Variants in FGR observed in about 807,000 individuals in gnomAD.
FGR encodes tyrosine-protein kinase Fgr.
Under a neutral mutation model 63.2 loss-of-function variants are expected in FGR, and 26 were observed. The ratio of observed to expected loss-of-function variants is 0.41; its 90% CI spans 0.30 to 0.57. The LOEUF (loss-of-function observed/expected upper bound fraction) is 0.57. Among genes scored for constraint, FGR ranks in the 20% least tolerant of loss-of-function variants. The probability of loss-of-function intolerance (pLI) is 0.27; values close to 1 mark genes in which losing one functional copy is unlikely to be tolerated. For missense variants in FGR, 511 were observed against 690.8 expected, an observed-to-expected ratio of 0.74 and a Z score of 2.92; for synonymous variants, 286 against 277.7, an observed-to-expected ratio of 1.03 and a Z score of -0.30.
chr1:27,622,015 A>T (rs1461259049), intron 4 of FGR, among the ~76,000 whole-genome samples: 3 of 152,140 alleles, frequency 2.0e-5, no homozygotes, highest in African/African-American at 7.2e-5. Context: ...AATGTGGCTT[A>T]AAAAGCCTGA....
chr1:27,632,122 C>G (rs1446814927), intron 1 of FGR, among the ~76,000 whole-genome samples: 1 of 145,474 alleles, frequency 6.9e-6, no homozygotes, highest in Non-Finnish European at 1.5e-5. Context: ...TTTCTTTGTT[C>G]TTCTTCTTCT....
chr1:27,629,145 A>G (rs561105070), intron 1 of FGR, among the ~76,000 whole-genome samples: 1 of 152,202 alleles, frequency 6.6e-6, no homozygotes, highest in African/African-American at 2.4e-5. Context: ...AGAAAGACAG[A>G]GAGATAGAAG....
intron 11 of FGR, 106 bp downstream of exon 11, chr1:27,614,324 G>T: frequency 1.5e-6 from 2 of 1,291,142 alleles, no homozygotes; most frequent in South Asian, 1.5e-5. Context: ...TCAGGATGGG[G>T]CGACTCGGGC....
chr1:27,628,329 C>T (rs1355831803), intron 1 of FGR, among the ~76,000 whole-genome samples: 1 of 152,032 alleles, frequency 6.6e-6, no homozygotes, highest in Admixed American at 6.6e-5. Flanking sequence ...GCCTGGGCAG[C>T]ATAGTGAAAC....
chr1:27,626,909 G>C (rs1490744426), intron 1 of FGR, among the ~76,000 whole-genome samples: 1 of 152,162 alleles, frequency 6.6e-6, no homozygotes, highest in African/African-American at 2.4e-5. Context: ...GTTCACACCT[G>C]CTATCCCAGG....
rs746159505 is a variant in FGR, at chr1:27,615,623, G to A, written c.839-10C>T. ...CTGCCGTTCCACGTGCCTGCTCGGA[G>A]GCTGTCTTGTCAGGACCCTCTCCCC... On this transcript the variant is annotated splice_polypyrimidine_tract_variant and intron_variant, in intron 8 of 12. Coordinates refer to ENST00000374005, the MANE Select transcript of FGR (RefSeq NM_005248.3). The surrounding 1 kb of genome is among the most constrained non-coding windows in gnomAD (Gnocchi z 7.6). 6.2e-7 allele frequency: 1 copy of A among 1,603,378 alleles called. No homozygotes were observed. Among genetic ancestry groups the A allele is most frequent in the East Asian group, 2.2e-5 (1 of 44,502 alleles).
Position 27,616,730 on chromosome 1 carries a change from T to G in FGR, c.682+127A>C. On this transcript the variant is annotated intron_variant, in intron 7 of 12. Coordinates refer to ENST00000374005, the MANE Select transcript of FGR (RefSeq NM_005248.3). The surrounding 1 kb of genome is among the most constrained non-coding windows in gnomAD (Gnocchi z 4.3). ...CTGGATCCTGGGCTGGCAGACCCCA[T>G]CCTTGGGTTCTGGTTTCCGTCTGGC... The G allele has an allele frequency of 9.9e-7, 1 of 1,012,970 alleles. No individual in the cohort carries two copies. Among genetic ancestry groups the G allele is most frequent in the Non-Finnish European group, 1.5e-6 (1 of 672,906 alleles). The allele number at this position is 1,012,970 out of a possible 1,614,324, so 62.7% of individuals were successfully genotyped here. A position where few individuals can be genotyped will look rare whatever the true frequency, so the allele number is the denominator to read the frequency against.
At chr1:27,614,713 A>G (rs1207582603) in intron 10 of FGR, 130 bp from the exon 11 acceptor site, 4 of 1,339,402 alleles carry the variant, frequency 3.0e-6, no homozygotes, top group Non-Finnish European at 4.1e-6. Context: ...AAAGAGAGGC[A>G]GTACCTCTCA....
chr1:27,630,823 A>G (rs2090095385), intron 1 of FGR, among the ~76,000 whole-genome samples: 1 of 151,920 alleles, frequency 6.6e-6, no homozygotes, highest in Non-Finnish European at 1.5e-5. Flanking sequence ...AAATCAGGTT[A>G]CAAGTATCAA....
chr1:27,631,100 AT>A (rs1183049887), intron 1 of FGR, among the ~76,000 whole-genome samples: 1 of 152,184 alleles, frequency 6.6e-6, no homozygotes, highest in African/African-American at 2.4e-5. Context: ...TCTCTTTTGC[AT>A]AGGGGGAAGT....
chr1:27,622,171 G>A (rs1430306920), intron 4 of FGR, among the ~76,000 whole-genome samples: 6 of 151,778 alleles, frequency 4.0e-5, no homozygotes, highest in Admixed American at 3.9e-4. Flanking sequence ...AAATTAGCCA[G>A]GCTTGGTGGC....
At chr1:27,634,078 T>G (rs1406968070) in intron 1 of FGR, among the ~76,000 whole-genome samples, 4 of 151,778 alleles carry the variant, frequency 2.6e-5, no homozygotes, top group Non-Finnish European at 4.4e-5. Context: ...CCTACCTCGG[T>G]CGGGAAGCCC....
chr1:27,614,200 T>C lies in FGR; in HGVS notation c.1249+230A>G, dbSNP rs540433579. On this transcript the variant is annotated intron_variant, in intron 11 of 12. Coordinates refer to ENST00000374005, the MANE Select transcript of FGR (RefSeq NM_005248.3). ...CTGACTTCCTGTTATCTGAATATTGTCACTTTACAGAAGAGAAACGGCAGC... is the reference window on the plus strand; with the variant it reads ...CTGACTTCCTGTTATCTGAATATTGCCACTTTACAGAAGAGAAACGGCAGC... Among the ~76,000 whole-genome samples, 8 of 152,300 alleles carry C rather than the reference T, an allele frequency of 5.3e-5. No homozygotes were observed. The South Asian group carries it at 1.7e-3, about 32-fold the overall frequency.
intron 11 of FGR, among the ~76,000 whole-genome samples, chr1:27,613,694 CAAAAAAAAAA>C (rs56363244): frequency 1.8e-3 from 135 of 74,234 alleles, no homozygotes; most frequent in African/African-American, 7.1e-3. Flanking sequence ...GACTCCATCT[CAAAAAAAAAA>C]AAAAAAAAAA....
At chr1:27,626,344 G>A (rs1427592580) in intron 1 of FGR, 1 of 397,112 alleles carries the variant, frequency 2.5e-6, no homozygotes, top group Non-Finnish European at 4.4e-6. Flanking sequence ...GGGGCCCCAA[G>A]GTCCTAGAAG....
intron 4 of FGR, among the ~76,000 whole-genome samples, chr1:27,622,532 G>A (rs897870922): frequency 1.3e-5 from 2 of 151,376 alleles, no homozygotes; most frequent in African/African-American, 4.9e-5. Flanking sequence ...TTGAAATGGA[G>A]TCTCCCTCTG....
chr1:27,621,843 T>C (rs1467428588), intron 4 of FGR, among the ~76,000 whole-genome samples, 186 bp from the exon 5 acceptor site: 1 of 152,186 alleles, frequency 6.6e-6, no homozygotes, highest in Non-Finnish European at 1.5e-5. Flanking sequence ...GGCTTGTCCC[T>C]GCAGAAGGAA....
At chr1:27,613,694 C>CAAA (rs56363244) in intron 11 of FGR, among the ~76,000 whole-genome samples, 39 of 74,196 alleles carry the variant, frequency 5.3e-4, no homozygotes, top group East Asian at 1.6e-3. Flanking sequence ...GACTCCATCT[C>CAAA]AAAAAAAAAA....
At position 27,612,086 on chromosome 1, in the gene FGR, A is replaced by G. The variant is rs2089705534; in HGVS notation, c.*828T>C. 6.6e-6 allele frequency: 1 copy of G among 152,188 alleles called. No homozygotes were observed. The highest frequency in any genetic ancestry group is 1.5e-5 in the Non-Finnish European group (1 of 68,036). 9.4% of individuals were successfully genotyped at this position (152,188 alleles called of 1,614,324 possible). A position where few individuals can be genotyped will look rare whatever the true frequency, so the allele number is the denominator to read the frequency against. On this transcript the variant is annotated 3_prime_UTR_variant, in exon 13 of 13. Transcript: ENST00000374005. ...ATATCAGCAACGAAGGGGACATTTT[A>G]ATGTATCTTCAGCTGCTTGTCTTCT...
Sources: allele counts gnomAD v4.1 joint callset (sites outside exome capture counted in the v4.1 genomes callset), GRCh38; gene constraint gnomAD v4.1.1; non-coding constraint Gnocchi (gnomAD v3.1); transcripts MANE v1.5; gene names NCBI Gene and HGNC (gene_info 2026-07-23, HGNC 2026-07-21).